The following PSME4 variants were observed in gnomAD, a reference collection of about 807,000 sequenced individuals.
PSME4 encodes proteasome activator complex subunit 4.
PSME4 carries 89 observed loss-of-function variants against 253.9 expected under a neutral mutation model. The ratio of observed to expected loss-of-function variants is 0.35; its 90% confidence interval spans 0.30 to 0.42. PSME4 has a LOEUF of 0.42. PSME4 is among the 10% of genes least tolerant of loss of function. The probability of loss-of-function intolerance (pLI) is 1.00; values close to 1 mark genes in which losing one functional copy is unlikely to be tolerated. For missense variants in PSME4, 2,014 were observed against 2,195.2 expected (o/e 0.92, Z 1.65); for synonymous variants, 851 against 759.2 (o/e 1.12, Z -1.99).
rs548682287 is a variant in PSME4, at chr2:53,887,750, C to T, written c.4520+108G>A. 1.5e-5 allele frequency: 20 copies of T among 1,308,972 alleles called. No individual in the cohort carries two copies. The African/African-American group carries it at 2.9e-4, about 19-fold the overall frequency. The allele number at this position is 1,308,972 out of a possible 1,614,324, so 81.1% of individuals were successfully genotyped here. On this transcript the variant is annotated intron_variant, in intron 39 of 46. Coordinates refer to ENST00000404125, the MANE Select transcript of PSME4 (RefSeq NM_014614.3). ...AATAGCAAACAATTTGAGAAAGACA[C>T]CATGAAACCCACTGACAACATAACC...
chr2:53,883,480 GA>G (rs1007584397), intron 41 of PSME4, among the ~76,000 whole-genome samples: 23 of 151,756 alleles, frequency 1.5e-4, no homozygotes, highest in Non-Finnish European at 3.2e-4. Flanking sequence ...GACTGTCTCA[GA>G]AAAAAGCGGT....
chr2:53,966,494 T>C (rs1670742853), intron 1 of PSME4, among the ~76,000 whole-genome samples: 1 of 151,672 alleles, frequency 6.6e-6, no homozygotes, highest in Admixed American at 6.6e-5. Context: ...AAACCCTGTC[T>C]CTACTAAAAA....
chr2:53,887,203 A>G, intron 40 of PSME4, 56 bp downstream of exon 40: 4 of 1,476,256 alleles, frequency 2.7e-6, no homozygotes, highest in Non-Finnish European at 2.8e-6. Context: ...AAAAAACTCT[A>G]CAGGATAATC....
intron 1 of PSME4, among the ~76,000 whole-genome samples, chr2:53,951,405 G>C (rs183777171): frequency 6.6e-6 from 1 of 152,290 alleles, no homozygotes; most frequent in East Asian, 1.9e-4. Flanking sequence ...TCTAAAGTTA[G>C]GGCATCTAAC....
chr2:53,873,788 C>T (rs1045907891), intron 43 of PSME4, among the ~76,000 whole-genome samples: 4 of 152,158 alleles, frequency 2.6e-5, no homozygotes, highest in Admixed American at 2.0e-4. Flanking sequence ...GGGACAATTA[C>T]AATTATCATC....
intron 1 of PSME4, among the ~76,000 whole-genome samples, chr2:53,968,156 T>C (rs899103663): frequency 1.3e-5 from 2 of 150,730 alleles, no homozygotes; most frequent in Admixed American, 6.6e-5. Flanking sequence ...TCGCCTATAA[T>C]CCTACCTACT....
chr2:53,927,539 A>C (rs752360777), intron 11 of PSME4, 56 bp from the exon 12 acceptor site: 1 of 1,219,768 alleles, frequency 8.2e-7, no homozygotes, highest in Non-Finnish European at 1.2e-6. Flanking sequence ...CAGAAATACA[A>C]GTATACCATG....
chr2:53,968,145 C>T (rs565657517), intron 1 of PSME4, among the ~76,000 whole-genome samples: 1 of 151,996 alleles, frequency 6.6e-6, no homozygotes, highest in South Asian at 2.1e-4. Flanking sequence ...CATGGTGGCA[C>T]TCGCCTATAA....
At chr2:53,906,262 A>C (rs993850947) in intron 26 of PSME4, among the ~76,000 whole-genome samples, 79 of 152,194 alleles carry the variant, frequency 5.2e-4, no homozygotes, top group Non-Finnish European at 5.9e-4. Context: ...TGCCAGCAAT[A>C]TCACACTAGC....
chr2:53,895,734 C>A lies in PSME4; in HGVS notation c.3691G>T (p.Gly1231Ter). 6.3e-7 allele frequency: 1 copy of A among 1,581,048 alleles called. No individual in the cohort carries two copies. The highest frequency in any genetic ancestry group is 1.2e-5 in the South Asian group (1 of 85,028). ...KLTINPCEIS[G>*]CPKPTQIIAG... ...ATAATTTGGGTGGGTTTAGGGCATC[C>A]ACCTAAGGAAAAGACAATCACATTT... Residue 1231 changes from glycine to a stop codon, truncating the protein, a stop_gained and splice_region_variant, in exon 33 of 47, where the codon GGA becomes TGA. Transcript: ENST00000404125. LOFTEE classifies it high-confidence loss of function.
chr2:53,954,062 G>T (rs771534373), intron 1 of PSME4, among the ~76,000 whole-genome samples: 1 of 151,458 alleles, frequency 6.6e-6, no homozygotes, highest in Admixed American at 6.6e-5. Flanking sequence ...GGGCGCGGTG[G>T]CTCACGCCTG....
chr2:53,922,680 G>C (rs1668380300), intron 16 of PSME4, 96 bp from the exon 17 acceptor site: 9 of 1,395,306 alleles, frequency 6.5e-6, no homozygotes, highest in Non-Finnish European at 8.7e-6. Flanking sequence ...CAATAGCTGA[G>C]GAAAACCTCT....
At chr2:53,939,674 GAATAACA>G (rs1261775165) in intron 4 of PSME4, among the ~76,000 whole-genome samples, 11 of 152,264 alleles carry the variant, frequency 7.2e-5, no homozygotes, top group South Asian at 4.1e-4. Flanking sequence ...TTTTTTGTCT[GAATAACA>G]AATAACAATA....
rs1679692684 is a variant in PSME4, at chr2:53,887,474, A to G, written c.4521-7T>C. 6.3e-7 allele frequency: 1 copy of G among 1,599,836 alleles called. No homozygotes were observed. The highest frequency in any genetic ancestry group is 1.7e-5 in the Admixed American group (1 of 58,874). On this transcript the variant is annotated splice_region_variant and splice_polypyrimidine_tract_variant and intron_variant, in intron 39 of 46. Coordinates refer to ENST00000404125, the MANE Select transcript of PSME4 (RefSeq NM_014614.3). ...GAATATGTAGGTCAGCACACTGCAA[A>G]ATAAAATACTTAATAATAGGAAGAG...
At chr2:53,969,280 A>C (rs528255494) in intron 1 of PSME4, among the ~76,000 whole-genome samples, 1 of 152,198 alleles carries the variant, frequency 6.6e-6, no homozygotes, top group African/African-American at 2.4e-5. Context: ...TAACCTTGAC[A>C]TTTTATGATC....
chr2:53,906,028 C>A (rs151297943), intron 26 of PSME4, among the ~76,000 whole-genome samples: 24 of 152,214 alleles, frequency 1.6e-4, no homozygotes, highest in Admixed American at 3.9e-4. Context: ...TTTTGGGTTT[C>A]CAATGCTTAA....
intron 18 of PSME4, 22 bp downstream of exon 18, chr2:53,920,867 C>G (rs1233981499): frequency 1.3e-6 from 2 of 1,550,924 alleles, no homozygotes; most frequent in East Asian, 4.5e-5. Flanking sequence ...TTCTTGAATC[C>G]TAAAGTACTG....
intron 20 of PSME4, 24 bp downstream of exon 20, chr2:53,919,127 T>C: frequency 6.3e-7 from 1 of 1,593,672 alleles, no homozygotes; most frequent in South Asian, 1.1e-5. Flanking sequence ...ATATGTTAAG[T>C]GGAAAACAGT....
At chr2:53,969,979 T>C (rs1363082914) in intron 1 of PSME4, among the ~76,000 whole-genome samples, 3 of 152,114 alleles carry the variant, frequency 2.0e-5, no homozygotes, top group African/African-American at 4.8e-5. Flanking sequence ...AAACGACCCT[T>C]TTCGATCAAC....
Sources: allele counts gnomAD v4.1 joint callset (sites outside exome capture counted in the v4.1 genomes callset), GRCh38; gene constraint gnomAD v4.1.1; transcripts MANE v1.5; gene names NCBI Gene and HGNC (gene_info 2026-07-23, HGNC 2026-07-21).